Variants in BARD1 observed in about 807,000 individuals in gnomAD.
BARD1 encodes BRCA1 associated RING domain 1, also known as BRCA1-associated RING domain protein 1.
In BARD1, 73 loss-of-function variants were observed where a neutral mutation model predicts 77.0. The ratio of observed to expected loss-of-function variants is 0.95; its 90% CI spans 0.79 to 1.15. BARD1 has a LOEUF of 1.15. Ranked by LOEUF, BARD1 falls within the 50% of genes most tolerant of loss-of-function variation. The probability of loss-of-function intolerance (pLI) is 0.00; values close to 1 mark genes in which losing one functional copy is unlikely to be tolerated. For missense variants in BARD1, 993 were observed against 938.8 expected (o/e 1.06, Z -0.75); for synonymous variants, 384 against 338.0 (o/e 1.14, Z -1.49).
intron 3 of BARD1, among the ~76,000 whole-genome samples, chr2:214,787,705 A>T (rs1695333819): frequency 6.6e-6 from 1 of 151,994 alleles, no homozygotes; most frequent in Admixed American, 6.6e-5. Context: ...TGAGTAACAG[A>T]GATGCATGTG....
chr2:214,728,253 A>C lies in BARD1; in HGVS notation c.*423T>G, dbSNP rs1260482756. 1 of 240,872 alleles carries C rather than the reference A, an allele frequency of 4.2e-6. No homozygotes were observed. The highest frequency in any genetic ancestry group is 8.1e-6 in the Non-Finnish European group (1 of 123,652). 14.9% of individuals were successfully genotyped at this position (240,872 alleles called of 1,614,324 possible). A position where few individuals can be genotyped will look rare whatever the true frequency, so the allele number is the denominator to read the frequency against. On this transcript the variant is annotated 3_prime_UTR_variant, in exon 11 of 11. Transcript: ENST00000260947. ...ATACTCTTTTTTCAATAAAGCCAAA[A>C]TAAATTGTTTGATAATATTCTGTTT...
intron 4 of BARD1, among the ~76,000 whole-genome samples, chr2:214,779,333 C>T (rs1574813463): frequency 6.6e-6 from 1 of 152,198 alleles, no homozygotes; most frequent in East Asian, 1.9e-4. Flanking sequence ...CTCTAAATTA[C>T]TTATAACACC....
At chr2:214,759,042 A>T (rs1294886844) in intron 6 of BARD1, among the ~76,000 whole-genome samples, 2 of 152,230 alleles carry the variant, frequency 1.3e-5, no homozygotes, top group Non-Finnish European at 2.9e-5. Flanking sequence ...TATAGATTTA[A>T]TTTTTCAAGT....
rs990557846 is a variant in BARD1 at position 214,726,717 on chromosome 2, A to G, written c.*1959T>C. 2 of 228,328 alleles carry G rather than the reference A, an allele frequency of 8.8e-6. No homozygotes were observed. The highest frequency in any genetic ancestry group is 2.2e-5 in the African/African-American group (1 of 45,108). The allele number at this position is 228,328 out of a possible 1,614,324, so 14.1% of individuals were successfully genotyped here. A position where few individuals can be genotyped will look rare whatever the true frequency, so the allele number is the denominator to read the frequency against. On this transcript the variant is annotated 3_prime_UTR_variant, in exon 11 of 11. Coordinates refer to ENST00000260947, the MANE Select transcript of BARD1 (RefSeq NM_000465.4). ...TGAAAAATAAAAAATAATTACATGT[A>G]TATCTACACAGAAAGTACAATCACA... is the stretch of plus-strand genomic sequence containing the variant.
chr2:214,785,703 A>AT lies in BARD1; in HGVS notation c.365-4195dup, dbSNP rs1468965593. Among the ~76,000 whole-genome samples, 7 of 151,254 alleles carry AT rather than the reference A, an allele frequency of 4.6e-5. 1 individual carries two copies. Among genetic ancestry groups the AT allele is most frequent in the African/African-American group, 1.7e-4 (7 of 41,120 alleles). ...ACACAAACTGGATTAGCAAAAGGTA[A>AT]TTTCAGGCCCAGAAAAAAAAAGAAA... On this transcript the variant is annotated intron_variant, in intron 3 of 10. Coordinates refer to ENST00000260947, the MANE Select transcript of BARD1 (RefSeq NM_000465.4).
In BARD1 at chr2:214,733,775, T is replaced by C. The variant is rs940529126; in HGVS notation, c.1904-3267A>G. ...AAGCACATTTAAAATTACATCCATGTTTTAAAGATATTAAGGATGCCACTG... is the reference window on the plus strand; with the variant it reads ...AAGCACATTTAAAATTACATCCATGCTTTAAAGATATTAAGGATGCCACTG... On this transcript the variant is annotated intron_variant, in intron 9 of 10. Transcript: ENST00000260947. Among the ~76,000 whole-genome samples, 7 of 152,308 alleles carry C rather than the reference T, an allele frequency of 4.6e-5. No individual in the cohort carries two copies. In the South Asian group the frequency reaches 6.2e-4, roughly 14 times the overall value.
At chr2:214,758,981 AAG>A (rs1166727868) in intron 6 of BARD1, among the ~76,000 whole-genome samples, 6 of 152,218 alleles carry the variant, frequency 3.9e-5, no homozygotes, top group Admixed American at 2.0e-4. Flanking sequence ...ACAGGATACC[AAG>A]AGAGTTCATG....
intron 6 of BARD1, among the ~76,000 whole-genome samples, chr2:214,766,731 A>G (rs1043227151): frequency 1.3e-5 from 2 of 152,330 alleles, no homozygotes; most frequent in Non-Finnish European, 2.9e-5. Context: ...GATTACTTGT[A>G]ATACCTAATA....
intron 7 of BARD1, among the ~76,000 whole-genome samples, chr2:214,751,115 GTGTATATATATA>G (rs1174432351): frequency 6.2e-3 from 73 of 11,688 alleles, no homozygotes; most frequent in Non-Finnish European, 0.011. Context: ...GTGTGTGTGT[GTGTATATATATA>G]TATATATATA....
At chr2:214,800,181 G>A (rs1201216158) in intron 1 of BARD1, among the ~76,000 whole-genome samples, 1 of 152,162 alleles carries the variant, frequency 6.6e-6, no homozygotes, top group Non-Finnish European at 1.5e-5. Flanking sequence ...TAGCAATAAG[G>A]TGCTATCACA....
At chr2:214,786,799 A>C (rs1300823151) in intron 3 of BARD1, among the ~76,000 whole-genome samples, 1 of 151,952 alleles carries the variant, frequency 6.6e-6, no homozygotes, top group Non-Finnish European at 1.5e-5. Flanking sequence ...ATCATAGCTG[A>C]ACATGACCTG....
chr2:214,809,477 G>A lies in BARD1; in HGVS notation c.93C>T (p.Arg31=), dbSNP rs778803692. The change falls in exon 1 of 11, where the codon CGC becomes CGT. Residue 31 remains arginine (R), a synonymous_variant. Coordinates refer to ENST00000260947, the MANE Select transcript of BARD1 (RefSeq NM_000465.4). ...RSAPAMEPDG[R]GAWAHSRAAL... is the part of the protein sequence containing the mutation. ...CGGCGCGACTGTGGGCCCAGGCACCGCGACCATCCGGTTCCATGGCGGGCG... is the reference window on the plus strand; with the variant it reads ...CGGCGCGACTGTGGGCCCAGGCACCACGACCATCCGGTTCCATGGCGGGCG... The A allele has an allele frequency of 3.4e-5, 54 of 1,609,794 alleles. No homozygotes were observed. The East Asian group carries it at 6.5e-4, about 19-fold the overall frequency.
rs966533471 is a variant in BARD1, at chr2:214,808,266, G to C, written c.158+1146C>G. Among the ~76,000 whole-genome samples the C allele has an allele frequency of 2.6e-5, 4 of 152,130 alleles. No individual in the cohort carries two copies. The East Asian group carries it at 7.7e-4, about 29-fold the overall frequency. On this transcript the variant is annotated intron_variant, in intron 1 of 10. Transcript: ENST00000260947. ...GTACTAAAAATACAAAAAATTAGCCGGGCATGATGGCGGGCGCCTGCAGTC... is the reference window on the plus strand; with the variant it reads ...GTACTAAAAATACAAAAAATTAGCCCGGCATGATGGCGGGCGCCTGCAGTC...
intron 1 of BARD1, among the ~76,000 whole-genome samples, chr2:214,803,482 C>T (rs1403260081): frequency 6.6e-6 from 1 of 152,198 alleles, no homozygotes; most frequent in African/African-American, 2.4e-5. Context: ...GGAGGTGGGA[C>T]GTGCGGGCAG....
At position 214,751,140 on chromosome 2, in the gene BARD1, TATATATATATA is replaced by T. The variant is rs367889185; in HGVS notation, c.1677+1296_1677+1306del. ...GTGTATATATATATATATATATATA[TATATATATATA>T]TTTTTTTTTTTTTTTTTTTTTTTTT... On this transcript the variant is annotated intron_variant, in intron 7 of 10. Transcript: ENST00000260947. Among the ~76,000 whole-genome samples, 67 of 45,806 alleles carry T rather than the reference TATATATATATA, an allele frequency of 1.5e-3. 1 individual carries two copies. Among genetic ancestry groups the T allele is most frequent in the East Asian group, 8.0e-3 (14 of 1,740 alleles). The allele number at this position is 45,806 out of a possible 152,430, so 30.1% of individuals were successfully genotyped here.
At chr2:214,752,227 T>C (rs1427460657) in intron 7 of BARD1, among the ~76,000 whole-genome samples, 3 of 152,220 alleles carry the variant, frequency 2.0e-5, no homozygotes, top group Non-Finnish European at 2.9e-5. Context: ...TTCATTGTTT[T>C]ATGAATGCTG....
At chr2:214,729,150 A>G in intron 10 of BARD1, 142 bp from the exon 11 acceptor site, 1 of 1,077,610 alleles carries the variant, frequency 9.3e-7, no homozygotes, top group African/African-American at 1.6e-5. Flanking sequence ...AGATTCATAA[A>G]TTTTTTGGGT....
chr2:214,760,381 T>A (rs1693898375), intron 6 of BARD1, among the ~76,000 whole-genome samples: 1 of 152,034 alleles, frequency 6.6e-6, no homozygotes, highest in African/African-American at 2.4e-5. Context: ...TTAGTAGAGA[T>A]GGGGTTTCAC....
At chr2:214,753,956 C>T (rs1047744197) in intron 6 of BARD1, among the ~76,000 whole-genome samples, 4 of 152,060 alleles carry the variant, frequency 2.6e-5, no homozygotes, top group African/African-American at 7.2e-5. Flanking sequence ...TATAATACAG[C>T]GGATTGCATT....
Sources: allele counts gnomAD v4.1 joint callset (sites outside exome capture counted in the v4.1 genomes callset), GRCh38; gene constraint gnomAD v4.1.1; transcripts MANE v1.5; gene names NCBI Gene and HGNC (gene_info 2026-07-23, HGNC 2026-07-21).